ROBO2: variants seen among roughly 807,000 people sequenced by gnomAD.
The protein encoded by ROBO2 is roundabout homolog 2.
In ROBO2, 53 loss-of-function variants were observed where a neutral mutation model predicts 160.8. The ratio of observed to expected loss-of-function variants is 0.33; its 90% confidence interval spans 0.26 to 0.41. The LOEUF is 0.41. Among genes scored for constraint, ROBO2 ranks in the 10% least tolerant of loss-of-function variants. The probability of loss-of-function intolerance (pLI) is 1.00; values close to 1 mark genes in which losing one functional copy is unlikely to be tolerated. For missense variants in ROBO2, 1,577 were observed against 1,722.4 expected (o/e 0.92, Z 1.49); for synonymous variants, 664 against 611.7 (o/e 1.09, Z -1.26).
At chr3:76,277,539 T>C (rs1707998163) in intron 2 of ROBO2, among the ~76,000 whole-genome samples, 1 of 151,790 alleles carries the variant, frequency 6.6e-6, no homozygotes, top group South Asian at 2.1e-4. Context: ...TGGTATAAAA[T>C]GAAAGAAGCA....
chr3:76,627,477 T>C (rs1038362703), intron 2 of ROBO2, among the ~76,000 whole-genome samples: 2 of 152,228 alleles, frequency 1.3e-5, no homozygotes, highest in African/African-American at 4.8e-5. Context: ...GGCTTTAGCA[T>C]GCAGATGATG....
At chr3:76,388,391 C>A (rs2076993765) in intron 2 of ROBO2, among the ~76,000 whole-genome samples, 1 of 151,976 alleles carries the variant, frequency 6.6e-6, no homozygotes. Flanking sequence ...CCTGCCTCAG[C>A]CTCCCGAGTA....
intron 2 of ROBO2, among the ~76,000 whole-genome samples, chr3:77,474,509 G>A (rs1354147952): frequency 1.3e-5 from 2 of 152,038 alleles, no homozygotes; most frequent in Non-Finnish European, 2.9e-5. Context: ...CCCTGTCATC[G>A]AATTTATTTC....
rs568201675 is a variant in ROBO2, at chr3:77,049,273, C to G, written c.61+8427C>G. ...TGAGCCCAGGAGGTTGAGGCTGCAGCGAGCCATGATTACACCACTGCACTT... is the reference window on the plus strand; with the variant it reads ...TGAGCCCAGGAGGTTGAGGCTGCAGGGAGCCATGATTACACCACTGCACTT... On this transcript the variant is annotated intron_variant, in intron 1 of 25. Transcript: ENST00000461745. Among the ~76,000 whole-genome samples, 67 of 152,090 alleles carry G rather than the reference C, an allele frequency of 4.4e-4. No individual in the cohort carries two copies. The East Asian group carries it at 6.4e-3, about 15-fold the overall frequency.
intron 2 of ROBO2, among the ~76,000 whole-genome samples, chr3:76,803,521 C>T (rs1048918624): frequency 6.4e-5 from 9 of 140,554 alleles, no homozygotes; most frequent in East Asian, 2.1e-4. Flanking sequence ...GAGAGGGAGG[C>T]GAGAAAAAAG....
At chr3:77,196,772 A>G (rs1289337103) in intron 2 of ROBO2, among the ~76,000 whole-genome samples, 2 of 152,072 alleles carry the variant, frequency 1.3e-5, no homozygotes, top group African/African-American at 2.4e-5. Context: ...CCTTAGGCAA[A>G]TGTAGAAAAA....
chr3:76,565,740 G>A (rs2084479678), intron 2 of ROBO2, among the ~76,000 whole-genome samples: 1 of 152,142 alleles, frequency 6.6e-6, no homozygotes, highest in Admixed American at 6.5e-5. Context: ...GGAGGAAGTT[G>A]TTACTTTCAT....
At chr3:77,182,522 C>T (rs35372276) in intron 2 of ROBO2, among the ~76,000 whole-genome samples, 51,603 of 151,748 alleles carry the variant, frequency 0.34, 9,306 homozygotes, top group Middle Eastern at 0.48. Context: ...TGAATTCGAG[C>T]CCGTTCTTTT....
chr3:77,426,963 C>T (rs1300996011), intron 2 of ROBO2, among the ~76,000 whole-genome samples: 2 of 152,172 alleles, frequency 1.3e-5, no homozygotes, highest in Admixed American at 1.3e-4. Context: ...ACTCTATGTT[C>T]TCTCCCAAGA....
chr3:75,935,065 G>A (rs73123279), intron 1 of ROBO2, among the ~76,000 whole-genome samples: 3 of 152,052 alleles, frequency 2.0e-5, no homozygotes, highest in Non-Finnish European at 4.4e-5. Flanking sequence ...ACGGTGGCTC[G>A]TGCCTGACCT....
chr3:76,831,618 G>A (rs1340228310), intron 2 of ROBO2, among the ~76,000 whole-genome samples: 1 of 152,114 alleles, frequency 6.6e-6, no homozygotes, highest in East Asian at 1.9e-4. Context: ...AGCCATTTGT[G>A]ACTGGTTTCA....
intron 2 of ROBO2, among the ~76,000 whole-genome samples, chr3:76,369,639 G>A (rs56073577): frequency 0.06 from 9,123 of 151,810 alleles, 784 homozygotes; most frequent in African/African-American, 0.19. Context: ...CAACATCAGC[G>A]TTCATTAGGT....
chr3:76,482,208 A>G (rs1046541103), intron 2 of ROBO2, among the ~76,000 whole-genome samples: 5 of 152,140 alleles, frequency 3.3e-5, no homozygotes, highest in Admixed American at 6.6e-5. Flanking sequence ...TCAAACACAA[A>G]TAAGTGTTTT....
chr3:76,963,673 T>C (rs897908027), intron 2 of ROBO2, among the ~76,000 whole-genome samples: 2 of 151,956 alleles, frequency 1.3e-5, no homozygotes, highest in African/African-American at 4.8e-5. Flanking sequence ...GTAACTTTCT[T>C]CTACCCATAT....
At chr3:77,168,854 C>T (rs1334704160) in intron 2 of ROBO2, among the ~76,000 whole-genome samples, 1 of 152,124 alleles carries the variant, frequency 6.6e-6, no homozygotes, top group Non-Finnish European at 1.5e-5. Flanking sequence ...AGGGAAGGAC[C>T]ACATGTAATG....
At chr3:76,311,736 A>G (rs2071602137) in intron 2 of ROBO2, among the ~76,000 whole-genome samples, 1 of 152,212 alleles carries the variant, frequency 6.6e-6, no homozygotes, top group Non-Finnish European at 1.5e-5. Flanking sequence ...ATTATTTTTA[A>G]AAGAAATGGG....
chr3:76,450,451 C>A (rs73840997), intron 2 of ROBO2, among the ~76,000 whole-genome samples: 1 of 151,798 alleles, frequency 6.6e-6, no homozygotes, highest in Non-Finnish European at 1.5e-5. Context: ...ATTTTTAAAT[C>A]TGGCAGAAAA....
chr3:77,461,753 G>C (rs1295733779), intron 2 of ROBO2, among the ~76,000 whole-genome samples: 1 of 147,368 alleles, frequency 6.8e-6, no homozygotes, highest in African/African-American at 2.5e-5. Context: ...TTTTGAGACA[G>C]AGTCTCTCTC....
intron 2 of ROBO2, among the ~76,000 whole-genome samples, chr3:76,845,184 C>T (rs1281996949): frequency 6.6e-6 from 1 of 151,856 alleles, no homozygotes; most frequent in Non-Finnish European, 1.5e-5. Context: ...TTAAATACTT[C>T]CCATTTGTAT....
Sources: allele counts gnomAD v4.1 joint callset (sites outside exome capture counted in the v4.1 genomes callset), GRCh38; gene constraint gnomAD v4.1.1; transcripts MANE v1.5; gene names NCBI Gene and HGNC (gene_info 2026-07-23, HGNC 2026-07-21).